Variants in NEMP2 observed in about 807,000 individuals in gnomAD.
NEMP2 encodes nuclear envelope integral membrane protein 2.
NEMP2 carries 53 observed loss-of-function variants against 54.2 expected under a neutral mutation model. The ratio of observed to expected loss-of-function variants is 0.98; its 90% CI spans 0.78 to 1.23. NEMP2 has a LOEUF of 1.23. Among genes scored for constraint, NEMP2 ranks in the 50% most tolerant of loss-of-function variants. NEMP2 has a pLI of 0.00. For missense variants in NEMP2, 455 were observed against 511.3 expected, an observed-to-expected ratio of 0.89 and a Z score of 1.06; for synonymous variants, 197 against 190.3, an observed-to-expected ratio of 1.04 and a Z score of -0.29.
chr2:190,517,090 C>CAAAA (rs56324449), intron 5 of NEMP2, among the ~76,000 whole-genome samples: 4 of 89,322 alleles, frequency 4.5e-5, no homozygotes, highest in African/African-American at 1.5e-4. Flanking sequence ...GACTGTGTCT[C>CAAAA]AAAAAAAAAA....
chr2:190,483,089 T>A, the NEMP2 span, among the ~76,000 whole-genome samples: 1 of 150,848 alleles, frequency 6.6e-6, no homozygotes, highest in Non-Finnish European at 1.5e-5. Flanking sequence ...AGACGGGGTT[T>A]CACCTTGTTA....
chr2:190,453,119 G>A, the NEMP2 span, among the ~76,000 whole-genome samples: 27 of 152,100 alleles, frequency 1.8e-4, no homozygotes, highest in Non-Finnish European at 2.9e-5. Flanking sequence ...GAAATGTTAG[G>A]TTTGGTGCCT....
the NEMP2 span, among the ~76,000 whole-genome samples, chr2:190,472,603 A>C: frequency 6.6e-6 from 1 of 152,230 alleles, no homozygotes; most frequent in African/African-American, 2.4e-5. Context: ...GACCAAATCT[A>C]CATCTGATTG....
chr2:190,622,672 A>T, the NEMP2 span, among the ~76,000 whole-genome samples: 3 of 152,264 alleles, frequency 2.0e-5, no homozygotes, highest in East Asian at 5.8e-4. Flanking sequence ...ACCATAAAAA[A>T]CTTTTGTGCT....
the NEMP2 span, among the ~76,000 whole-genome samples, chr2:190,455,553 A>C: frequency 5.3e-5 from 8 of 152,204 alleles, no homozygotes; most frequent in African/African-American, 1.9e-4. Flanking sequence ...TGAACCTTTC[A>C]GGGCCTTGGT....
the NEMP2 span, among the ~76,000 whole-genome samples, chr2:190,465,171 T>C: frequency 7.2e-5 from 11 of 152,180 alleles, no homozygotes; most frequent in Non-Finnish European, 1.0e-4. This position sits in a 1 kb window ranked among gnomAD's most constrained non-coding sequence, Gnocchi z 4.6. Context: ...TTTGCTCAAA[T>C]ACAGGATAAA....
upstream of NEMP2, chr2:190,534,903 T>G: frequency 2.9e-6 from 1 of 347,528 alleles, no homozygotes; most frequent in Non-Finnish European, 5.2e-6. Context: ...GCTGGCATGC[T>G]CCCGGCCTCG....
At chr2:190,500,137 C>T (rs200096117), downstream of NEMP2, 1 of 1,614,142 alleles carries the variant, frequency 6.2e-7, no homozygotes, top group East Asian at 2.2e-5. The surrounding 1 kb of genome is among the most constrained non-coding windows in gnomAD (Gnocchi z 5.3). Flanking sequence ...AGACGCAGAC[C>T]AGCCCCGCTC....
At chr2:190,601,546 A>C in the NEMP2 span, among the ~76,000 whole-genome samples, 1 of 152,242 alleles carries the variant, frequency 6.6e-6, no homozygotes, top group African/African-American at 2.4e-5. This position sits in a 1 kb window ranked among gnomAD's most constrained non-coding sequence, Gnocchi z 5.8. Flanking sequence ...TCTGGAATGA[A>C]ACCTATGTAA....
upstream of NEMP2, among the ~76,000 whole-genome samples, chr2:190,536,629 A>G (rs1160299908): frequency 1.3e-5 from 2 of 152,200 alleles, no homozygotes; most frequent in African/African-American, 4.8e-5. Flanking sequence ...CAGTGACAAC[A>G]CCAGTCAACT....
At chr2:190,526,666 G>A (rs1417704219) in intron 1 of NEMP2, among the ~76,000 whole-genome samples, 5 of 152,082 alleles carry the variant, frequency 3.3e-5, no homozygotes, top group Non-Finnish European at 7.4e-5. Context: ...TCTGATAAGC[G>A]GAGAGATAGT....
At chr2:190,565,405 T>G in the NEMP2 span, among the ~76,000 whole-genome samples, 2 of 152,346 alleles carry the variant, frequency 1.3e-5, no homozygotes, top group Middle Eastern at 3.4e-3. Context: ...TAGTGGAGTA[T>G]AAAATCTGTT....
chr2:190,455,491 G>A, the NEMP2 span, among the ~76,000 whole-genome samples: 1 of 152,156 alleles, frequency 6.6e-6, no homozygotes, highest in Non-Finnish European at 1.5e-5. Flanking sequence ...CAGAAGACCT[G>A]GTTGAGTCTT....
chr2:190,534,771 G>A, upstream of NEMP2: 2 of 753,276 alleles, frequency 2.7e-6, no homozygotes, highest in South Asian at 6.2e-5. Context: ...CCCGAACGCG[G>A]GAAAGGCGGA....
At chr2:190,549,774 G>A in the NEMP2 span, among the ~76,000 whole-genome samples, 1 of 152,002 alleles carries the variant, frequency 6.6e-6, no homozygotes, top group Non-Finnish European at 1.5e-5. Context: ...CATTTGTATG[G>A]TTCCTTCCCT....
At chr2:190,600,010 C>A in the NEMP2 span, among the ~76,000 whole-genome samples, 1 of 152,190 alleles carries the variant, frequency 6.6e-6, no homozygotes, top group East Asian at 1.9e-4. This position sits in a 1 kb window ranked among gnomAD's most constrained non-coding sequence, Gnocchi z 4.9. Context: ...ACAGTGCCAT[C>A]CTAGCTGCCC....
At chr2:190,441,094 C>CT in the NEMP2 span, among the ~76,000 whole-genome samples, 1 of 152,220 alleles carries the variant, frequency 6.6e-6, no homozygotes, top group Non-Finnish European at 1.5e-5. Context: ...ATCATGCCTA[C>CT]TTTTTTTTCT....
chr2:190,609,938 A>C, the NEMP2 span: 1 of 152,188 alleles, frequency 6.6e-6, no homozygotes, highest in Non-Finnish European at 1.5e-5. This position sits in a 1 kb window ranked among gnomAD's most constrained non-coding sequence, Gnocchi z 4.7. Flanking sequence ...TTTCTTCTAA[A>C]GTTTAAGTTG....
At chr2:190,590,424 G>A in the NEMP2 span, among the ~76,000 whole-genome samples, 1 of 152,168 alleles carries the variant, frequency 6.6e-6, no homozygotes, top group African/African-American at 2.4e-5. This position sits in a 1 kb window ranked among gnomAD's most constrained non-coding sequence, Gnocchi z 5.1. Flanking sequence ...GTGTGCTGAT[G>A]TTGAAGTTAT....
Sources: gnomAD v4.1 joint callset for allele counts (sites outside exome capture counted in the v4.1 genomes callset) on GRCh38, gnomAD v4.1.1 for gene constraint, Gnocchi (gnomAD v3.1) non-coding constraint, MANE v1.5 for transcripts, NCBI Gene and HGNC (gene_info 2026-07-23, HGNC 2026-07-21) for gene names.